NR2C1: variants seen among roughly 807,000 people sequenced by gnomAD.
NR2C1 encodes the protein TR2 nuclear hormone receptor.
Under a neutral mutation model 74.8 loss-of-function variants are expected in NR2C1, and 33 were observed. That is an observed-to-expected ratio of 0.44 (90% confidence interval 0.33 to 0.59). NR2C1 has a LOEUF of 0.59. Among genes scored for constraint, NR2C1 ranks in the 20% least tolerant of loss-of-function variants. NR2C1 has a pLI of 0.02. For missense variants in NR2C1, 568 were observed against 715.6 expected (o/e 0.79, Z 2.35); for synonymous variants, 225 against 240.6 (o/e 0.94, Z 0.60).
At chr12:95,042,503 G>A (rs957476486) in intron 9 of NR2C1, among the ~76,000 whole-genome samples, 3 of 151,918 alleles carry the variant, frequency 2.0e-5, no homozygotes, top group African/African-American at 7.3e-5. Context: ...ATGAGCCACC[G>A]CACCTGGCCT....
At chr12:95,063,642 A>C (rs1429304907) in intron 2 of NR2C1, among the ~76,000 whole-genome samples, 2 of 150,188 alleles carry the variant, frequency 1.3e-5, no homozygotes, top group Non-Finnish European at 3.0e-5. Flanking sequence ...GGAGTTCGAG[A>C]CCAGACTGGG....
chr12:95,041,839 T>A (rs1394288220), intron 9 of NR2C1, among the ~76,000 whole-genome samples: 1 of 152,208 alleles, frequency 6.6e-6, no homozygotes, highest in Non-Finnish European at 1.5e-5. Flanking sequence ...AAAAAAAGCA[T>A]GTGTAAGGAT....
At chr12:95,026,899 A>T (rs183593874) in intron 12 of NR2C1, 2 of 152,114 alleles carry the variant, frequency 1.3e-5, no homozygotes, top group African/African-American at 2.4e-5. Context: ...CAGTTTTTTA[A>T]ATTTGTTGGT....
At chr12:95,029,658 A>T (rs1169527480) in intron 11 of NR2C1, among the ~76,000 whole-genome samples, 1 of 151,382 alleles carries the variant, frequency 6.6e-6, no homozygotes, top group Non-Finnish European at 1.5e-5. Flanking sequence ...CCTGGGTTCA[A>T]GCAATTCTCT....
chr12:95,049,035 A>G lies in NR2C1; in HGVS notation c.1131+33T>C, dbSNP rs759761991. On this transcript the variant is annotated intron_variant, in intron 9 of 13. Coordinates refer to ENST00000333003, the MANE Select transcript of NR2C1 (RefSeq NM_003297.4). ...AAGGTAGATCAAAATCAAGCAACAC[A>G]ACATACAAGTTAAAAAAAACATATA... is the stretch of plus-strand genomic sequence containing the variant. 3.8e-6 allele frequency: 6 copies of G among 1,586,502 alleles called. No individual in the cohort carries two copies. The African/African-American group carries it at 6.8e-5, about 18-fold the overall frequency.
chr12:95,033,518 T>G (rs1055662093), intron 10 of NR2C1, among the ~76,000 whole-genome samples: 23 of 152,198 alleles, frequency 1.5e-4, no homozygotes, highest in African/African-American at 5.5e-4. Context: ...AGAACAAGCA[T>G]ATTCAATAAA....
chr12:95,036,396 C>A (rs1415267509), intron 10 of NR2C1, among the ~76,000 whole-genome samples: 1 of 151,500 alleles, frequency 6.6e-6, no homozygotes, highest in Non-Finnish European at 1.5e-5. Context: ...AACAGTGAGA[C>A]CTCCATCTCT....
At chr12:95,027,265 T>A (rs190638056) in intron 12 of NR2C1, among the ~76,000 whole-genome samples, 20 of 152,242 alleles carry the variant, frequency 1.3e-4, no homozygotes, top group Admixed American at 3.9e-4. Flanking sequence ...CTCATTATGT[T>A]GCCCAGGCTG....
In NR2C1 at chr12:95,046,376, A is replaced by C. The variant is rs574454792; in HGVS notation, c.1131+2692T>G. On this transcript the variant is annotated intron_variant, in intron 9 of 13. Transcript: ENST00000333003. ...CGAAGTGAGAGGATCACTTGAGGCCAGGAGTATAAGATAAGCCTGGACAAC... is the reference window on the plus strand; with the variant it reads ...CGAAGTGAGAGGATCACTTGAGGCCCGGAGTATAAGATAAGCCTGGACAAC... Among the ~76,000 whole-genome samples, 3 of 152,324 alleles carry C rather than the reference A, an allele frequency of 2.0e-5. No individual in the cohort carries two copies. In the South Asian group the frequency reaches 6.2e-4, roughly 32 times the overall value.
In NR2C1 at chr12:95,073,472, G is replaced by A. The variant is rs1028751128; in HGVS notation, c.-100C>T. 8 of 152,462 alleles carry A rather than the reference G, an allele frequency of 5.2e-5. No individual in the cohort carries two copies. Among genetic ancestry groups the A allele is most frequent in the African/African-American group, 1.7e-4 (7 of 41,610 alleles). 9.4% of individuals were successfully genotyped at this position (152,462 alleles called of 1,614,324 possible). ...TGGATTGGGGGGCGCTCCGGGAAGAGAGGTTGAAGAAAGCCGACGGGATGT... is the reference window on the plus strand; with the variant it reads ...TGGATTGGGGGGCGCTCCGGGAAGAAAGGTTGAAGAAAGCCGACGGGATGT... On this transcript the variant is annotated 5_prime_UTR_variant, in exon 1 of 14. Transcript: ENST00000333003.
chr12:95,030,761 T>G, intron 11 of NR2C1: 1 of 1,609,830 alleles, frequency 6.2e-7, no homozygotes, highest in South Asian at 1.1e-5. Context: ...ATTTTCCCCA[T>G]TTGTTGATGG....
At chr12:95,055,239 C>A (rs758316658) in intron 7 of NR2C1, among the ~76,000 whole-genome samples, 70 of 152,316 alleles carry the variant, frequency 4.6e-4, no homozygotes, top group African/African-American at 1.7e-3. Context: ...GTTGTCATAA[C>A]AATTTAATAC....
intron 2 of NR2C1, among the ~76,000 whole-genome samples, chr12:95,063,871 A>G (rs575329208): frequency 2.2e-4 from 34 of 151,760 alleles, no homozygotes; most frequent in African/African-American, 8.0e-4. Flanking sequence ...CTCTACTAAA[A>G]TATAAAAATT....
chr12:95,043,519 C>T (rs955191717), intron 9 of NR2C1, among the ~76,000 whole-genome samples: 3 of 151,844 alleles, frequency 2.0e-5, no homozygotes, highest in African/African-American at 7.3e-5. Flanking sequence ...AAAACCAGGT[C>T]TCTACTAAAA....
At chr12:95,067,309 A>G (rs1382284432) in intron 2 of NR2C1, 22 bp downstream of exon 2, 3 of 1,607,986 alleles carry the variant, frequency 1.9e-6, no homozygotes, top group Admixed American at 3.3e-5. Context: ...GGGCCAGTGC[A>G]TCAACCGTAA....
At chr12:95,039,023 C>T (rs1416620419) in intron 10 of NR2C1, among the ~76,000 whole-genome samples, 1 of 152,052 alleles carries the variant, frequency 6.6e-6, no homozygotes, top group Non-Finnish European at 1.5e-5. Flanking sequence ...TGCTTGAGCC[C>T]AGGAGTTCCA....
chr12:95,062,178 G>T (rs188958003), intron 3 of NR2C1, among the ~76,000 whole-genome samples: 2 of 152,140 alleles, frequency 1.3e-5, no homozygotes, highest in Non-Finnish European at 2.9e-5. Context: ...TCCAATAGTC[G>T]ATCTTGAAAA....
At chr12:95,049,285 A>G (rs1565856927) in intron 8 of NR2C1, 52 bp from the exon 9 acceptor site, 2 of 1,547,322 alleles carry the variant, frequency 1.3e-6, no homozygotes. Context: ...GCAATAAAAT[A>G]ACAATTCTAC....
intron 10 of NR2C1, among the ~76,000 whole-genome samples, chr12:95,039,806 A>AT (rs923255694): frequency 8.6e-5 from 13 of 151,810 alleles, no homozygotes; most frequent in East Asian, 3.9e-4. Context: ...TAATTAAAAC[A>AT]TTTTTTTTCT....
Sources: allele counts gnomAD v4.1 joint callset (sites outside exome capture counted in the v4.1 genomes callset), GRCh38; gene constraint gnomAD v4.1.1; transcripts MANE v1.5; gene names NCBI Gene and HGNC (gene_info 2026-07-23, HGNC 2026-07-21).